The following MGAT5 variants were observed in gnomAD, a reference collection of about 807,000 sequenced individuals.
MGAT5 encodes alpha-1,6-mannosylglycoprotein 6-beta-N-acetylglucosaminyltransferase, also known as alpha-1,6-mannosylglycoprotein 6-beta-N-acetylglucosaminyltransferase A.
MGAT5 carries 30 observed loss-of-function variants against 94.3 expected under a neutral mutation model. That is an observed-to-expected ratio of 0.32 (90% CI 0.24 to 0.43). The LOEUF is 0.43. MGAT5 is among the 20% of genes least tolerant of loss of function. The pLI is 1.00. For synonymous variants in MGAT5, 310 were observed against 322.9 expected (o/e 0.96, Z 0.43); for missense variants, 691 against 905.5 (o/e 0.76, Z 3.04).
chr2:134,233,695 C>T (rs551205167), intron 1 of MGAT5, among the ~76,000 whole-genome samples: 7 of 152,322 alleles, frequency 4.6e-5, no homozygotes, highest in African/African-American at 1.7e-4. Flanking sequence ...CAGTAACTCT[C>T]ATCAAGGATC....
chr2:134,381,391 TAGATAGATAGATAGATAGA>T (rs1681576222), intron 10 of MGAT5, among the ~76,000 whole-genome samples: 2 of 79,982 alleles, frequency 2.5e-5, no homozygotes, highest in African/African-American at 9.7e-5. Flanking sequence ...ATTAGATAGA[TAGATAGATAGATAGATAGA>T]TAGATAGATA....
intron 1 of MGAT5, among the ~76,000 whole-genome samples, chr2:134,191,239 T>G (rs1374064221): frequency 3.3e-5 from 5 of 152,264 alleles, no homozygotes; most frequent in Non-Finnish European, 5.9e-5. Flanking sequence ...CACGACAAAC[T>G]TTGAGAGCAT....
intron 1 of MGAT5, among the ~76,000 whole-genome samples, chr2:134,217,860 G>A (rs1019416751): frequency 6.6e-6 from 1 of 152,176 alleles, no homozygotes; most frequent in Non-Finnish European, 1.5e-5. Flanking sequence ...TACAGTACTA[G>A]ATGTTTAAAG....
chr2:134,273,190 A>G (rs890393679), intron 2 of MGAT5, among the ~76,000 whole-genome samples: 18 of 152,252 alleles, frequency 1.2e-4, no homozygotes, highest in African/African-American at 7.2e-5. Flanking sequence ...ACGATTTGCC[A>G]TGTCTATAGA....
At chr2:134,434,389 T>C (rs1685055338) in intron 14 of MGAT5, among the ~76,000 whole-genome samples, 1 of 152,202 alleles carries the variant, frequency 6.6e-6, no homozygotes, top group African/African-American at 2.4e-5. Context: ...TTCAGGATAG[T>C]CAAGCACATT....
chr2:134,284,890 A>G (rs1684911679), intron 2 of MGAT5, among the ~76,000 whole-genome samples: 1 of 152,190 alleles, frequency 6.6e-6, no homozygotes, highest in Non-Finnish European at 1.5e-5. Context: ...AAAATAGTTT[A>G]AGGCTCAAGA....
Position 134,395,594 on chromosome 2 carries a change from G to A in MGAT5, c.1381-7394G>A, listed in dbSNP as rs550521648. Among the ~76,000 whole-genome samples the A allele has an allele frequency of 2.4e-4, 37 of 152,300 alleles. No homozygotes were observed. The South Asian group carries it at 7.7e-3, about 32-fold the overall frequency. ...ATATTTTAAATGCATTTTATTCCCA[G>A]TGCTGGCTCAGCACTGTACATGTAA... On this transcript the variant is annotated intron_variant, in intron 10 of 15. Transcript: ENST00000281923.
intron 15 of MGAT5, among the ~76,000 whole-genome samples, chr2:134,444,393 G>T (rs1685661153): frequency 6.6e-6 from 1 of 152,210 alleles, no homozygotes; most frequent in South Asian, 2.1e-4. Context: ...TAGAGATGCG[G>T]GCTTTCTTAG....
In MGAT5 at chr2:134,131,024, C is replaced by G. The variant is rs148288119; in HGVS notation, c.-143+10733C>G. ...ACTGGCAACCCCCTGGGGTCCCCTT[C>G]CATAGTGTGGAAGCTTTGTTCTTTT... On this transcript the variant is annotated intron_variant, in intron 1 of 16. Coordinates refer to the MGAT5 transcript ENST00000409645. 1.8e-3 allele frequency among the ~76,000 whole-genome samples: 277 copies of G among 152,326 alleles called. 2 individuals are homozygous for G. Among genetic ancestry groups the G allele is most frequent in the East Asian group, 0.015 (77 of 5,194 alleles).
intron 1 of MGAT5, among the ~76,000 whole-genome samples, chr2:134,267,504 C>T (rs932489226): frequency 2.0e-5 from 3 of 152,138 alleles, no homozygotes; most frequent in Non-Finnish European, 4.4e-5. Context: ...CATTATGAAT[C>T]CCCTTTTACA....
At chr2:134,384,802 T>C (rs1341446056) in intron 10 of MGAT5, among the ~76,000 whole-genome samples, 1 of 152,064 alleles carries the variant, frequency 6.6e-6, no homozygotes, top group Non-Finnish European at 1.5e-5. Context: ...AAAATAACAA[T>C]CCAAATAAAA....
At chr2:134,330,554 A>AGTGTGTGTGTGTGTGTGT (rs34688054) in intron 4 of MGAT5, among the ~76,000 whole-genome samples, 11,225 of 148,324 alleles carry the variant, frequency 0.076, 540 homozygotes, top group Admixed American at 0.12. Flanking sequence ...TAAATTGTGT[A>AGTGTGTGTGTGTGTGTGT]GTGTGTGTGT....
At chr2:134,286,736 G>C (rs1440709755) in intron 2 of MGAT5, among the ~76,000 whole-genome samples, 1 of 152,104 alleles carries the variant, frequency 6.6e-6, no homozygotes, top group African/African-American at 2.4e-5. Context: ...TTGAATTTTG[G>C]AAAATGTCTT....
intron 1 of MGAT5, among the ~76,000 whole-genome samples, chr2:134,182,637 C>T (rs144425133): frequency 2.0e-5 from 3 of 152,274 alleles, no homozygotes; most frequent in East Asian, 1.9e-4. Context: ...GGAAGCTCCT[C>T]GTGTTCCCGT....
intron 5 of MGAT5, among the ~76,000 whole-genome samples, chr2:134,336,666 T>C (rs1314261365): frequency 6.6e-6 from 1 of 152,060 alleles, no homozygotes; most frequent in Non-Finnish European, 1.5e-5. Flanking sequence ...TCAGGGTAGA[T>C]TGAATAGTGA....
intron 1 of MGAT5, among the ~76,000 whole-genome samples, chr2:134,161,517 C>A (rs774211327): frequency 2.6e-5 from 4 of 152,188 alleles, no homozygotes; most frequent in Non-Finnish European, 5.9e-5. Flanking sequence ...TGGCAGGAGG[C>A]AGAAGCCTGG....
rs116968234 is a variant in MGAT5, at chr2:134,306,720, G to A, written c.407-10809G>A. 3.7e-4 allele frequency among the ~76,000 whole-genome samples: 56 copies of A among 152,088 alleles called. No homozygotes were observed. The East Asian group carries it at 0.01, about 28-fold the overall frequency. ...GGTGACTCAGATGTTAGAAGGCTTT[G>A]CTGACTCTGTTTTTTGAGTGAAGAA... is the stretch of plus-strand genomic sequence containing the variant. On this transcript the variant is annotated intron_variant, in intron 2 of 15. Coordinates refer to ENST00000281923, the MANE Select transcript of MGAT5 (RefSeq NM_002410.5).
At chr2:134,128,283 G>GAAGA (rs1193320883) in intron 1 of MGAT5, among the ~76,000 whole-genome samples, 1 of 151,998 alleles carries the variant, frequency 6.6e-6, no homozygotes, top group Non-Finnish European at 1.5e-5. Flanking sequence ...GAGAGAGAAA[G>GAAGA]AAGAAAGAGG....
At chr2:134,279,581 G>A (rs1228702471) in intron 2 of MGAT5, among the ~76,000 whole-genome samples, 2 of 152,190 alleles carry the variant, frequency 1.3e-5, no homozygotes, top group Non-Finnish European at 2.9e-5. Flanking sequence ...CGGGAATAAT[G>A]TTCCTCCCCA....
Sources: allele counts gnomAD v4.1 joint callset (sites outside exome capture counted in the v4.1 genomes callset), GRCh38; gene constraint gnomAD v4.1.1; transcripts MANE v1.5; gene names NCBI Gene and HGNC (gene_info 2026-07-23, HGNC 2026-07-21).